Variants in TMEM132D observed in about 807,000 individuals in gnomAD.
TMEM132D encodes transmembrane protein 132D.
Under a neutral mutation model 62.3 loss-of-function variants are expected in TMEM132D, and 21 were observed. The ratio of observed to expected loss-of-function variants is 0.34; its 90% CI spans 0.24 to 0.49. The LOEUF (loss-of-function observed/expected upper bound fraction) is 0.49. Ranked by LOEUF, TMEM132D falls within the 20% of genes least tolerant of loss-of-function variation. The pLI, the probability that TMEM132D is intolerant of heterozygous loss-of-function variation, is 0.99. For missense variants in TMEM132D, 1,346 were observed against 1,402.8 expected (o/e 0.96, Z 0.65); for synonymous variants, 621 against 575.6 (o/e 1.08, Z -1.13).
At chr12:129,087,937 ATGACCGGGGTGTCCTCCCTGACCGGGGTG>A (rs1874689271) in intron 5 of TMEM132D, among the ~76,000 whole-genome samples, 4 of 28,292 alleles carry the variant, frequency 1.4e-4, no homozygotes, top group African/African-American at 1.4e-4. Context: ...GGTGTCCTCC[ATGACCGGGGTGTCCTCCCTGACCGGGGTG>A]TCCTCCATGA....
At chr12:129,334,903 A>C (rs566783791) in intron 4 of TMEM132D, among the ~76,000 whole-genome samples, 28 of 151,984 alleles carry the variant, frequency 1.8e-4, no homozygotes, top group Non-Finnish European at 3.4e-4. Flanking sequence ...CCAAGTTTTA[A>C]TCCAATACAT....
At chr12:129,513,634 A>G (rs368408795) in intron 3 of TMEM132D, among the ~76,000 whole-genome samples, 2,755 of 145,622 alleles carry the variant, frequency 0.019, 81 homozygotes, top group African/African-American at 0.064. Flanking sequence ...ACAGGCACCC[A>G]CCACCACGCC....
chr12:129,605,626 C>CACACACATATATAT (rs1878603607), intron 2 of TMEM132D, among the ~76,000 whole-genome samples: 1 of 101,348 alleles, frequency 9.9e-6, no homozygotes, highest in African/African-American at 3.7e-5. Context: ...TATATATACA[C>CACACACATATATAT]ACACACACAC....
rs533075719 is a variant in TMEM132D at position 129,214,002 on chromosome 12, G to A, written c.1300-4339C>T. ...AGTTTCGTTGAGGGCTGAGGGAGCT[G>A]GGGTATTTATACACCAAACCTAAGT... On this transcript the variant is annotated intron_variant, in intron 4 of 8. Coordinates refer to ENST00000422113, the MANE Select transcript of TMEM132D (RefSeq NM_133448.3). Among the ~76,000 whole-genome samples, 17 of 152,308 alleles carry A rather than the reference G, an allele frequency of 1.1e-4. 1 individual carries two copies. The South Asian group carries it at 3.5e-3, about 32-fold the overall frequency.
intron 4 of TMEM132D, among the ~76,000 whole-genome samples, chr12:129,264,595 A>T (rs1353700456): frequency 6.6e-6 from 1 of 152,210 alleles, no homozygotes; most frequent in Non-Finnish European, 1.5e-5. Flanking sequence ...ATAAGTCATT[A>T]TCTGAAAATG....
chr12:129,530,919 TG>T, intron 3 of TMEM132D, 139 bp downstream of exon 3: 1 of 842,192 alleles, frequency 1.2e-6, no homozygotes, highest in Non-Finnish European at 1.8e-6. Context: ...TTCATCTACC[TG>T]GAGGCCCTGA....
chr12:129,453,102 G>A (rs1332238705), intron 3 of TMEM132D, among the ~76,000 whole-genome samples: 1 of 152,172 alleles, frequency 6.6e-6, no homozygotes, highest in Non-Finnish European at 1.5e-5. Flanking sequence ...CGTATGCAAG[G>A]GATCTAGGTT....
At chr12:129,424,050 T>C (rs913315607) in intron 3 of TMEM132D, among the ~76,000 whole-genome samples, 68 of 152,190 alleles carry the variant, frequency 4.5e-4, no homozygotes, top group African/African-American at 1.6e-3. Flanking sequence ...TTGTCTTCTA[T>C]AAGTACTACA....
chr12:129,455,456 G>A (rs1873435134), intron 3 of TMEM132D, among the ~76,000 whole-genome samples: 1 of 152,200 alleles, frequency 6.6e-6, no homozygotes, highest in Non-Finnish European at 1.5e-5. Context: ...AAAAAACACA[G>A]ATTTGAGGGG....
intron 2 of TMEM132D, among the ~76,000 whole-genome samples, chr12:129,531,468 T>A (rs1048245532): frequency 6.6e-6 from 1 of 152,194 alleles, no homozygotes; most frequent in Non-Finnish European, 1.5e-5. Flanking sequence ...TAGAATATCC[T>A]TGCACTAGCT....
intron 5 of TMEM132D, among the ~76,000 whole-genome samples, chr12:129,107,307 C>T (rs1371579149): frequency 6.6e-6 from 1 of 152,150 alleles, no homozygotes; most frequent in Non-Finnish European, 1.5e-5. Context: ...AAATGGAATT[C>T]ACAGATAATG....
At chr12:129,204,382 T>C (rs1565996401) in intron 5 of TMEM132D, among the ~76,000 whole-genome samples, 1 of 152,104 alleles carries the variant, frequency 6.6e-6, no homozygotes, top group Non-Finnish European at 1.5e-5. Flanking sequence ...AATAATGCAA[T>C]TGCAAGTATT....
chr12:129,142,029 A>T (rs1388961991), intron 5 of TMEM132D, among the ~76,000 whole-genome samples: 8 of 148,922 alleles, frequency 5.4e-5, no homozygotes, highest in Admixed American at 2.0e-4. Context: ...ATATATTTTT[A>T]AAAAATAGAC....
rs187336734 is a variant in TMEM132D at position 129,365,788 on chromosome 12, T to A, written c.1116-27971A>T. 3.4e-4 allele frequency among the ~76,000 whole-genome samples: 52 copies of A among 152,254 alleles called. No individual in the cohort carries two copies. In the East Asian group the frequency reaches 8.7e-3, roughly 26 times the overall value. On this transcript the variant is annotated intron_variant, in intron 3 of 8. Transcript: ENST00000422113. ...AGGGAATGACCTTGGATGAGGCAGC[T>A]CCTGGCACTAGAGGTAGAACTGATG...
chr12:129,708,512 C>T (rs1206590009), intron 1 of TMEM132D, among the ~76,000 whole-genome samples: 1 of 151,192 alleles, frequency 6.6e-6, no homozygotes, highest in Non-Finnish European at 1.5e-5. Flanking sequence ...CTCCCTGACC[C>T]CTGCCTAGGT....
chr12:129,431,550 A>G (rs6486467), intron 3 of TMEM132D, among the ~76,000 whole-genome samples: 81,058 of 151,966 alleles, frequency 0.53, 21,931 homozygotes, highest in East Asian at 0.76. Flanking sequence ...TAACCACATC[A>G]CACCAGCGTT....
intron 3 of TMEM132D, among the ~76,000 whole-genome samples, chr12:129,368,635 C>G (rs1870500284): frequency 6.6e-6 from 1 of 152,000 alleles, no homozygotes; most frequent in African/African-American, 2.4e-5. Context: ...TCTGGGTCCT[C>G]CATTGACGAG....
intron 4 of TMEM132D, among the ~76,000 whole-genome samples, chr12:129,251,383 A>G (rs12229698): frequency 0.047 from 6,464 of 138,154 alleles, 353 homozygotes; most frequent in Admixed American, 0.15. Context: ...AAAAAAAAAA[A>G]GAAGAGAGAA....
intron 5 of TMEM132D, among the ~76,000 whole-genome samples, chr12:129,127,793 G>T (rs7961192): frequency 0.75 from 114,642 of 152,100 alleles, 43,983 homozygotes; most frequent in Middle Eastern, 0.89. Context: ...TTGACACTTT[G>T]CACCCGATGC....
Sources: gnomAD v4.1 joint callset for allele counts (sites outside exome capture counted in the v4.1 genomes callset) on GRCh38, gnomAD v4.1.1 for gene constraint, MANE v1.5 for transcripts, NCBI Gene and HGNC (gene_info 2026-07-23, HGNC 2026-07-21) for gene names.